The following UPF2 variants were observed in gnomAD, a reference collection of about 807,000 sequenced individuals.
UPF2 encodes regulator of nonsense transcripts 2.
Under a neutral mutation model 141.4 loss-of-function variants are expected in UPF2, and 17 were observed. That is an observed-to-expected ratio of 0.12 (90% CI 0.08 to 0.18). UPF2 has a LOEUF of 0.18. Ranked by LOEUF, UPF2 falls within the 10% of genes least tolerant of loss-of-function variation. UPF2 has a pLI of 1.00. For synonymous variants in UPF2, 540 were observed against 498.0 expected (o/e 1.08, Z -1.12); for missense variants, 1,152 against 1,515.9 (o/e 0.76, Z 3.99).
intron 21 of UPF2, chr10:11,923,055 C>T (rs527391458): frequency 6.6e-6 from 1 of 152,230 alleles, no homozygotes; most frequent in South Asian, 2.1e-4. Context: ...AAAACAACAA[C>T]AAAATCATTT....
chr10:11,937,305 G>A (rs1485043466), intron 18 of UPF2, among the ~76,000 whole-genome samples: 1 of 152,168 alleles, frequency 6.6e-6, no homozygotes, highest in Non-Finnish European at 1.5e-5. Context: ...CTTGGAGATA[G>A]TAATGTTAAA....
chr10:11,984,232 T>C (rs1833648531), intron 8 of UPF2, among the ~76,000 whole-genome samples: 1 of 152,226 alleles, frequency 6.6e-6, no homozygotes, highest in African/African-American at 2.4e-5. Flanking sequence ...ATTAATAACT[T>C]TTAACGCTTT....
chr10:11,969,643 T>G lies in UPF2; in HGVS notation c.1954-2189A>C, dbSNP rs1833382418. Among the ~76,000 whole-genome samples, 2 of 152,180 alleles carry G rather than the reference T, an allele frequency of 1.3e-5. 1 individual carries two copies. Among genetic ancestry groups the G allele is most frequent in the South Asian group, 4.1e-4 (2 of 4,830 alleles). On this transcript the variant is annotated intron_variant, in intron 9 of 21. Transcript: ENST00000357604. ...AAGTACAGCCTTCATAAAGAAACTT[T>G]CACAAATAAATGTTTCATATACATG...
chr10:12,006,909 G>A (rs1834044122), intron 4 of UPF2, among the ~76,000 whole-genome samples: 1 of 152,250 alleles, frequency 6.6e-6, no homozygotes, highest in East Asian at 1.9e-4. Context: ...TCACCAGAAA[G>A]ACCGAGTGAT....
intron 14 of UPF2, among the ~76,000 whole-genome samples, chr10:11,952,467 ATCTTT>A (rs1415640324): frequency 7.3e-6 from 1 of 136,680 alleles, no homozygotes; most frequent in Non-Finnish European, 1.6e-5. Flanking sequence ...TTTACTAAAT[ATCTTT>A]TTTTTTTTTT....
Position 11,920,926 on chromosome 10 carries a change from C to A in UPF2, c.*372G>T. The A allele has an allele frequency of 2.1e-6, 1 of 480,458 alleles. No homozygotes were observed. The highest frequency in any genetic ancestry group is 4.3e-6 in the Non-Finnish European group (1 of 233,794). 29.8% of individuals were successfully genotyped at this position (480,458 alleles called of 1,614,324 possible). ...TCAAGTTTAAAGCTCAAGTTCATTT[C>A]CCCCACACCATTACCATCACAACCC... On this transcript the variant is annotated 3_prime_UTR_variant, in exon 22 of 22. Transcript: ENST00000357604.
At chr10:12,027,716 A>G (rs1397707210) in intron 3 of UPF2, among the ~76,000 whole-genome samples, 2 of 152,126 alleles carry the variant, frequency 1.3e-5, no homozygotes, top group Admixed American at 6.6e-5. Flanking sequence ...AGATTTAACC[A>G]CAGTCTCTAC....
At position 11,939,256 on chromosome 10, in the gene UPF2, T is replaced by C. The variant is rs946293625; in HGVS notation, c.3379-2544A>G. ...GTATCTGACAGCACTATGCAAAGAATAGATGTAAAGCACTTGATGCAGGGC... is the reference window on the plus strand; with the variant it reads ...GTATCTGACAGCACTATGCAAAGAACAGATGTAAAGCACTTGATGCAGGGC... On this transcript the variant is annotated intron_variant, in intron 18 of 21. Transcript: ENST00000357604. The surrounding 1 kb of genome is among the most constrained non-coding windows in gnomAD (Gnocchi z 4.8). Among the ~76,000 whole-genome samples, 14 of 152,298 alleles carry C rather than the reference T, an allele frequency of 9.2e-5. No homozygotes were observed. The East Asian group carries it at 2.3e-3, about 25-fold the overall frequency.
At position 11,959,235 on chromosome 10, in the gene UPF2, G is replaced by A. The variant is rs1486094793; in HGVS notation, c.2306C>T (p.Pro769Leu). ...TTTCCGGACATATTCCTGGAGAGGA[G>A]GACGTTTCTTTTTCACGGTTTTTTC... ...PAEKTVKKKR[P>L]PLQEYVRKLL... Residue 769 changes from proline to leucine, a missense_variant, in exon 12 of 22, where the codon CCT (proline) becomes CTT (leucine). By Grantham distance (98) the Pro-to-Leu change is moderately conservative. Coordinates refer to ENST00000357604, the MANE Select transcript of UPF2 (RefSeq NM_015542.4). This position sits in a 1 kb window ranked among gnomAD's most constrained non-coding sequence, Gnocchi z 5.9. The A allele has an allele frequency of 1.2e-6, 2 of 1,613,680 alleles. No homozygotes were observed. The highest frequency in any genetic ancestry group is 1.7e-6 in the Non-Finnish European group (2 of 1,179,876).
chr10:11,960,933 T>C (rs1239949888), intron 11 of UPF2, among the ~76,000 whole-genome samples: 1 of 151,214 alleles, frequency 6.6e-6, no homozygotes, highest in African/African-American at 2.4e-5. Flanking sequence ...CTCTATAAAA[T>C]AAAAAAATTA....
rs1018993068 is a variant in UPF2, at chr10:12,016,251, C to T, written c.1146-2067G>A. Among the ~76,000 whole-genome samples the T allele has an allele frequency of 2.0e-5, 3 of 151,930 alleles. No homozygotes were observed. Among genetic ancestry groups the T allele is most frequent in the African/African-American group, 2.4e-5 (1 of 41,396 alleles). On this transcript the variant is annotated intron_variant, in intron 3 of 21. Coordinates refer to ENST00000357604, the MANE Select transcript of UPF2 (RefSeq NM_015542.4). The surrounding 1 kb of genome is among the most constrained non-coding windows in gnomAD (Gnocchi z 4.1). ...AATTTACTTTTATTTTTTGTAGAGA[C>T]GGGAGTCTGGCTATGTTGGCCAAGC...
chr10:12,037,402 C>CTTTT (rs59226793), intron 1 of UPF2, among the ~76,000 whole-genome samples: 2 of 122,290 alleles, frequency 1.6e-5, no homozygotes, highest in African/African-American at 6.2e-5. Flanking sequence ...TTTTGTTTTT[C>CTTTT]TTTTTTTTTT....
At chr10:11,982,671 G>C (rs1005780243) in intron 8 of UPF2, among the ~76,000 whole-genome samples, 2 of 152,102 alleles carry the variant, frequency 1.3e-5, no homozygotes, top group African/African-American at 2.4e-5. Context: ...TTGTTGCCCA[G>C]GCTGGAGTGC....
intron 4 of UPF2, 64 bp from the exon 5 acceptor site, chr10:12,004,791 TAA>T: frequency 2.7e-6 from 4 of 1,504,428 alleles, no homozygotes; most frequent in Non-Finnish European, 2.7e-6. Flanking sequence ...AAACATGACA[TAA>T]GTTATTTTTT....
chr10:11,985,252 C>T (rs977987303), intron 8 of UPF2, among the ~76,000 whole-genome samples: 21 of 152,156 alleles, frequency 1.4e-4, no homozygotes, highest in Non-Finnish European at 2.4e-4. Flanking sequence ...TCTTGAAGTC[C>T]TGTGTCTGTT....
chr10:11,922,275 A>G (rs1226449013), intron 21 of UPF2, among the ~76,000 whole-genome samples: 2 of 152,234 alleles, frequency 1.3e-5, no homozygotes, highest in African/African-American at 4.8e-5. Context: ...CTAGGGCTGT[A>G]ATATTTTGTC....
intron 14 of UPF2, among the ~76,000 whole-genome samples, chr10:11,955,025 A>C (rs1028826353): frequency 6.6e-6 from 1 of 151,868 alleles, no homozygotes; most frequent in Non-Finnish European, 1.5e-5. Flanking sequence ...TATCAATCAT[A>C]AAAGTTATAT....
At chr10:12,001,639 C>A (rs566959102) in intron 6 of UPF2, 37 bp downstream of exon 6, 1 of 1,564,318 alleles carries the variant, frequency 6.4e-7, no homozygotes, top group South Asian at 1.2e-5. Context: ...TGTGTAAAAA[C>A]CAATTAAAAA....
rs576803829 is a variant in UPF2, at chr10:11,924,838, T to A, written c.3810-3531A>T. ...ACTAATATTAATAACTGATTTTTTT[T>A]AATAGAGTTTCGCTCTTGTTGCCCA... On this transcript the variant is annotated intron_variant, in intron 21 of 21. Coordinates refer to ENST00000357604, the MANE Select transcript of UPF2 (RefSeq NM_015542.4). Among the ~76,000 whole-genome samples, 13 of 152,260 alleles carry A rather than the reference T, an allele frequency of 8.5e-5. No homozygotes were observed. In the South Asian group the frequency reaches 1.4e-3, roughly 17 times the overall value.
Sources: gnomAD v4.1 joint callset for allele counts (sites outside exome capture counted in the v4.1 genomes callset) on GRCh38, gnomAD v4.1.1 for gene constraint, Gnocchi (gnomAD v3.1) non-coding constraint, MANE v1.5 for transcripts, NCBI Gene and HGNC (gene_info 2026-07-23, HGNC 2026-07-21) for gene names.